MMP16: variants seen among roughly 807,000 people sequenced by gnomAD.
The protein encoded by MMP16 is matrix metalloproteinase-16.
A neutral mutation model predicts 67.8 loss-of-function variants in MMP16; 12 were observed. The ratio of observed to expected loss-of-function variants is 0.18; its 90% CI spans 0.11 to 0.29. The LOEUF (loss-of-function observed/expected upper bound fraction) is 0.29. Among genes scored for constraint, MMP16 ranks in the 10% least tolerant of loss-of-function variants. The pLI, the probability that MMP16 is intolerant of heterozygous loss-of-function variation, is 1.00. For missense variants in MMP16, 475 were observed against 765.7 expected, an observed-to-expected ratio of 0.62 and a Z score of 4.48; for synonymous variants, 249 against 255.9, an observed-to-expected ratio of 0.97 and a Z score of 0.26.
intron 7 of MMP16, among the ~76,000 whole-genome samples, chr8:88,070,467 C>G (rs1014023730): frequency 2.0e-5 from 3 of 152,058 alleles, no homozygotes; most frequent in East Asian, 3.9e-4. Context: ...TCCTTTTGTT[C>G]CCACTGATTG....
chr8:88,078,507 A>C (rs2118298695), intron 6 of MMP16, among the ~76,000 whole-genome samples: 1 of 152,260 alleles, frequency 6.6e-6, no homozygotes, highest in East Asian at 1.9e-4. Flanking sequence ...CTGAATATGA[A>C]ATTATGATGT....
intron 2 of MMP16, among the ~76,000 whole-genome samples, chr8:88,190,459 TCAGTGTTTAA>T (rs1169048118): frequency 2.6e-5 from 4 of 152,198 alleles, no homozygotes; most frequent in Admixed American, 2.6e-4. Context: ...TAAAGAATGC[TCAGTGTTTAA>T]CAGGACTCAT....
chr8:88,148,992 C>T (rs914190825), intron 4 of MMP16, among the ~76,000 whole-genome samples: 1 of 152,214 alleles, frequency 6.6e-6, no homozygotes, highest in African/African-American at 2.4e-5. Context: ...GGGCGCAGGC[C>T]AGTGGGTGCG....
chr8:88,248,018 G>C (rs1810147107), intron 1 of MMP16, among the ~76,000 whole-genome samples: 2 of 151,984 alleles, frequency 1.3e-5, no homozygotes, highest in Admixed American at 6.6e-5. Flanking sequence ...GGATATTTTT[G>C]AAATTTCCCC....
intron 1 of MMP16, among the ~76,000 whole-genome samples, chr8:88,322,640 A>C (rs767703994): frequency 4.6e-5 from 7 of 151,846 alleles, no homozygotes; most frequent in Admixed American, 1.3e-4. Flanking sequence ...ACCAGCCTGG[A>C]CAACATAGTG....
rs190170928 is a variant in MMP16, at chr8:88,263,820, C to T, written c.132+63255G>A. 5.2e-3 allele frequency among the ~76,000 whole-genome samples: 792 copies of T among 152,072 alleles called. 8 individuals carry two copies. Among genetic ancestry groups the T allele is most frequent in the Middle Eastern group, 0.01 (3 of 294 alleles). The stretch of plus-strand genomic sequence containing the variant: ...GGGGTACTGGGGGTTGGGACCTTGA[C>T]ATACGAATTTTGTAGGGTCACAATT... On this transcript the variant is annotated intron_variant, in intron 1 of 9. Coordinates refer to ENST00000286614, the MANE Select transcript of MMP16 (RefSeq NM_005941.5).
chr8:88,186,560 G>A lies in MMP16; in HGVS notation c.320C>T (p.Thr107Ile). Reference protein sequence around the residue: ...KKPRCGVPDQTRGSSKFHIRR... With the variant: ...KKPRCGVPDQIRGSSKFHIRR... Reference sequence around the variant, plus strand: ...AATATGAAATTTGGAGCTACCTCTTGTCTGGTCAGGTACACCGCATCGGGG... The same window carrying A: ...AATATGAAATTTGGAGCTACCTCTTATCTGGTCAGGTACACCGCATCGGGG... Residue 107 changes from threonine (T) to isoleucine (I), a missense_variant, in exon 3 of 10, where the codon ACA becomes ATA. This residue lies in a region of MMP16 where 170 missense variants were observed against 239.6 expected (regional missense o/e 0.71). Coordinates refer to ENST00000286614, the MANE Select transcript of MMP16 (RefSeq NM_005941.5). 2.0e-6 allele frequency: 3 copies of A among 1,509,746 alleles called. No homozygotes were observed. Among genetic ancestry groups the A allele is most frequent in the Non-Finnish European group, 2.7e-6 (3 of 1,122,596 alleles). 93.5% of individuals were successfully genotyped at this position (1,509,746 alleles called of 1,614,324 possible). A position where few individuals can be genotyped will look rare whatever the true frequency, so the allele number is the denominator to read the frequency against.
Position 88,292,613 on chromosome 8 carries a change from G to A in MMP16, c.132+34462C>T, listed in dbSNP as rs559634296. Among the ~76,000 whole-genome samples the A allele has an allele frequency of 3.3e-5, 5 of 152,252 alleles. No homozygotes were observed. In the East Asian group the frequency reaches 9.7e-4, roughly 29 times the overall value. ...TGATTGGGAGAAGCAAACTCTATGAGATAACGATCACTTTCTGAAGTGCTA... is the reference window on the plus strand; with the variant it reads ...TGATTGGGAGAAGCAAACTCTATGAAATAACGATCACTTTCTGAAGTGCTA... On this transcript the variant is annotated intron_variant, in intron 1 of 9. Transcript: ENST00000286614.
chr8:88,292,115 C>A (rs996756964), intron 1 of MMP16, among the ~76,000 whole-genome samples: 9 of 152,144 alleles, frequency 5.9e-5, no homozygotes, highest in Non-Finnish European at 1.3e-4. Flanking sequence ...CCTTGAAAGA[C>A]AATCAATAGT....
chr8:88,070,555 T>C (rs1299874014), intron 7 of MMP16, among the ~76,000 whole-genome samples: 1 of 152,124 alleles, frequency 6.6e-6, no homozygotes, highest in Non-Finnish European at 1.5e-5. Context: ...TGGGGGTCCA[T>C]CTGCTCATCT....
rs372466353 is a variant in MMP16 at position 88,252,036 on chromosome 8, AC to A, written c.133-54731del. Among the ~76,000 whole-genome samples, 20 of 122,126 alleles carry A rather than the reference AC, an allele frequency of 1.6e-4. No homozygotes were observed. The South Asian group carries it at 3.0e-3, about 18-fold the overall frequency. 80.1% of individuals were successfully genotyped at this position (122,126 alleles called of 152,430 possible). On this transcript the variant is annotated intron_variant, in intron 1 of 9. Coordinates refer to ENST00000286614, the MANE Select transcript of MMP16 (RefSeq NM_005941.5). ...TGTGGAGAAATAGGAACACTTTTAC[AC>A]TGTTGGTGGGACTGTAAACTAGTTC...
chr8:88,308,861 T>A (rs1811252320), intron 1 of MMP16, among the ~76,000 whole-genome samples: 1 of 151,606 alleles, frequency 6.6e-6, no homozygotes, highest in South Asian at 2.1e-4. Flanking sequence ...GCTCATATAA[T>A]CAATAAAAAG....
intron 6 of MMP16, among the ~76,000 whole-genome samples, chr8:88,084,617 CAT>C (rs1401993955): frequency 1.3e-5 from 2 of 152,076 alleles, no homozygotes; most frequent in African/African-American, 2.4e-5. Context: ...AACACTTGCA[CAT>C]GTGTACTGCA....
intron 1 of MMP16, among the ~76,000 whole-genome samples, chr8:88,269,491 A>G (rs1015035821): frequency 3.3e-5 from 5 of 152,164 alleles, no homozygotes; most frequent in African/African-American, 2.4e-5. Context: ...GGAATAATAC[A>G]TTTACCTAGA....
intron 4 of MMP16, among the ~76,000 whole-genome samples, chr8:88,161,212 T>C (rs1269756668): frequency 1.3e-5 from 2 of 152,022 alleles, no homozygotes; most frequent in Non-Finnish European, 2.9e-5. Context: ...TTAATTATTG[T>C]CTGAATTTCA....
intron 7 of MMP16, among the ~76,000 whole-genome samples, chr8:88,068,556 C>T (rs528408116): frequency 5.9e-5 from 9 of 151,778 alleles, no homozygotes; most frequent in African/African-American, 9.7e-5. Flanking sequence ...ACCATATTTT[C>T]GTATAGTACA....
At chr8:88,259,593 AT>A (rs1354890255) in intron 1 of MMP16, among the ~76,000 whole-genome samples, 3 of 152,170 alleles carry the variant, frequency 2.0e-5, no homozygotes, top group East Asian at 3.9e-4. Flanking sequence ...AAGCAAAAAA[AT>A]AAAAATAAAA....
At chr8:88,325,411 GAC>G (rs1233575416) in intron 1 of MMP16, among the ~76,000 whole-genome samples, 1 of 151,960 alleles carries the variant, frequency 6.6e-6, no homozygotes, top group Non-Finnish European at 1.5e-5. Flanking sequence ...TATTCAGAAA[GAC>G]ACAACCTTGC....
At position 88,186,469 on chromosome 8, in the gene MMP16, C is replaced by T; in HGVS notation, c.404+7G>A. 1.2e-6 allele frequency: 2 copies of T among 1,612,576 alleles called. No individual in the cohort carries two copies. The highest frequency in any genetic ancestry group is 1.7e-6 in the Non-Finnish European group (2 of 1,179,468). On this transcript the variant is annotated splice_region_variant and intron_variant, in intron 3 of 9. Transcript: ENST00000286614. The stretch of plus-strand genomic sequence containing the variant: ...GAAAAGGGGAGATTAATCGTGAGTT[C>T]TTATACCTGTAAGTGATGTGCTTGT...
Sources: allele counts gnomAD v4.1 joint callset (sites outside exome capture counted in the v4.1 genomes callset), GRCh38; gene constraint gnomAD v4.1.1; regional missense constraint gnomAD v4.1.1; transcripts MANE v1.5; gene names NCBI Gene and HGNC (gene_info 2026-07-23, HGNC 2026-07-21).